SAMSN1: variants seen among roughly 807,000 people sequenced by gnomAD.
SAMSN1 encodes SAM domain, SH3 domain and nuclear localization signals 1, also known as SAM domain-containing protein SAMSN-1.
SAMSN1 carries 31 observed loss-of-function variants against 42.0 expected under a neutral mutation model. The ratio of observed to expected loss-of-function variants is 0.74; its 90% CI spans 0.55 to 1.00. The LOEUF (loss-of-function observed/expected upper bound fraction) is 1.00, where lower values mean the gene tolerates loss of function less well. SAMSN1 is among the 50% of genes least tolerant of loss of function. The pLI, the probability that SAMSN1 is intolerant of heterozygous loss-of-function variation, is 0.00. For missense variants in SAMSN1, 464 were observed against 439.4 expected (o/e 1.06, Z -0.50); for synonymous variants, 178 against 151.9 (o/e 1.17, Z -1.26).
At chr21:14,591,711 A>T (rs1982091054) in intron 7 of SAMSN1, among the ~76,000 whole-genome samples, 1 of 152,192 alleles carries the variant, frequency 6.6e-6, no homozygotes. Context: ...GAAGCTAAGC[A>T]GTATAATTTA....
chr21:14,613,109 A>C (rs1013003241), intron 3 of SAMSN1, among the ~76,000 whole-genome samples: 15 of 152,174 alleles, frequency 9.9e-5, no homozygotes, highest in Admixed American at 2.0e-4. Flanking sequence ...TGGGTCTGTA[A>C]ATTTCTATGC....
chr21:14,546,669 TAA>T (rs35353684), upstream of SAMSN1, among the ~76,000 whole-genome samples: 236 of 145,798 alleles, frequency 1.6e-3, no homozygotes, highest in South Asian at 3.7e-3. Flanking sequence ...TTCTATTATT[TAA>T]AAAAAAAAAA....
intron 1 of SAMSN1, among the ~76,000 whole-genome samples, chr21:14,524,572 A>G (rs550344226): frequency 6.6e-6 from 1 of 152,190 alleles, no homozygotes; most frequent in Non-Finnish European, 1.5e-5. Flanking sequence ...GCAAAATTAC[A>G]TATACATTTG....
intron 2 of SAMSN1, among the ~76,000 whole-genome samples, chr21:14,632,013 G>A (rs1983343177): frequency 6.6e-6 from 1 of 152,160 alleles, no homozygotes; most frequent in Non-Finnish European, 1.5e-5. Context: ...ACTAGAATAA[G>A]ATATGCTGTT....
chr21:14,485,840 C>A lies in SAMSN1; in HGVS notation c.*72G>T. ...ACAAATATTTATCTTATCTTCCTCT[C>A]CTATTTGACGTTTTAGCTCAAGAAG... On this transcript the variant is annotated 3_prime_UTR_variant, in exon 8 of 8. Transcript: ENST00000400566. 9.0e-7 allele frequency: 1 copy of A among 1,115,172 alleles called. No individual in the cohort carries two copies. 69.1% of individuals were successfully genotyped at this position (1,115,172 alleles called of 1,614,324 possible). A position where few individuals can be genotyped will look rare whatever the true frequency, so the allele number is the denominator to read the frequency against.
At chr21:14,582,259 G>A in exon 2 of SAMSN1, 1 of 1,550,878 alleles carries the variant, frequency 6.4e-7, no homozygotes, top group African/African-American at 1.4e-5. Context: ...TCCAGAGAGG[G>A]TTTTCAGGAA....
intron 2 of SAMSN1, among the ~76,000 whole-genome samples, chr21:14,630,029 T>C (rs543229747): frequency 1.3e-5 from 2 of 152,280 alleles, no homozygotes; most frequent in South Asian, 2.1e-4. Context: ...TTAATCTTCA[T>C]AGCCACAAAT....
intron 2 of SAMSN1, among the ~76,000 whole-genome samples, chr21:14,617,210 T>C (rs1339561686): frequency 6.6e-6 from 1 of 152,174 alleles, no homozygotes; most frequent in Non-Finnish European, 1.5e-5. Context: ...TAAGCCCTAA[T>C]GTGAGTGAGG....
At chr21:14,488,210 T>C (rs1415404034) in intron 7 of SAMSN1, among the ~76,000 whole-genome samples, 1 of 152,180 alleles carries the variant, frequency 6.6e-6, no homozygotes, top group Non-Finnish European at 1.5e-5. Context: ...ATTTGGAGTG[T>C]GAACCTCTTA....
chr21:14,516,221 C>G (rs889253866), intron 3 of SAMSN1, among the ~76,000 whole-genome samples: 3 of 152,090 alleles, frequency 2.0e-5, no homozygotes, highest in Non-Finnish European at 2.9e-5. Flanking sequence ...AAAGTGAAAG[C>G]AACCCAAGTA....
At chr21:14,627,062 G>C (rs1331417578) in intron 2 of SAMSN1, among the ~76,000 whole-genome samples, 1 of 152,092 alleles carries the variant, frequency 6.6e-6, no homozygotes, top group African/African-American at 2.4e-5. Context: ...TCACTCATAG[G>C]TGGGAATTGA....
At chr21:14,609,208 A>C (rs1405908091) in intron 5 of SAMSN1, among the ~76,000 whole-genome samples, 1 of 151,852 alleles carries the variant, frequency 6.6e-6, no homozygotes, top group African/African-American at 2.4e-5. Context: ...TTTTCTTTTC[A>C]ATTGCTTATT....
At chr21:14,604,276 T>C (rs1982510360) in intron 5 of SAMSN1, among the ~76,000 whole-genome samples, 1 of 152,226 alleles carries the variant, frequency 6.6e-6, no homozygotes, top group African/African-American at 2.4e-5. Context: ...CCATTCCGTG[T>C]GTTTTTTTGC....
At chr21:14,601,345 A>G (rs1982425367) in intron 6 of SAMSN1, among the ~76,000 whole-genome samples, 1 of 152,152 alleles carries the variant, frequency 6.6e-6, no homozygotes, top group South Asian at 2.1e-4. Context: ...GGATTTAGGA[A>G]TGTGAGCCCC....
chr21:14,582,119 G>C (rs761913611), intron 2 of SAMSN1: 1 of 1,525,476 alleles, frequency 6.6e-7, no homozygotes, highest in Non-Finnish European at 8.8e-7. Flanking sequence ...ACACATTTCC[G>C]TAGTCTGCAA....
At chr21:14,571,798 T>A (rs1331829584) in intron 2 of SAMSN1, among the ~76,000 whole-genome samples, 1 of 152,152 alleles carries the variant, frequency 6.6e-6, no homozygotes, top group African/African-American at 2.4e-5. Context: ...CTTCTTTTTG[T>A]CTGTTTTCCC....
At position 14,612,177 on chromosome 21, in the gene SAMSN1, G is replaced by A. The variant is rs1331097115; in HGVS notation, c.235+699C>T. 2.6e-5 allele frequency among the ~76,000 whole-genome samples: 4 copies of A among 152,182 alleles called. No individual in the cohort carries two copies. The East Asian group carries it at 7.7e-4, about 29-fold the overall frequency. ...GAACCCGGGAGGCAGAGGTGGCAGT[G>A]AGCCAAGATTGCACCATTGCATTTC... On this transcript the variant is annotated intron_variant, in intron 4 of 15. Transcript: ENST00000647101.
Position 14,499,446 on chromosome 21 carries a change from A to G in SAMSN1, c.769-854T>C, listed in dbSNP as rs371078376. On this transcript the variant is annotated intron_variant, in intron 6 of 7. Coordinates refer to ENST00000400566, the MANE Select transcript of SAMSN1 (RefSeq NM_022136.5). ...CTAAAATAGAATAAGAGGAAGTCTA[A>G]AAGTTTTAAGTAATCAGGGAGAACT... Among the ~76,000 whole-genome samples the G allele has an allele frequency of 7.3e-5, 11 of 151,586 alleles. No individual in the cohort carries two copies. The East Asian group carries it at 1.6e-3, about 21-fold the overall frequency.
chr21:14,520,200 TTC>T (rs779433443), intron 2 of SAMSN1, among the ~76,000 whole-genome samples: 2 of 152,196 alleles, frequency 1.3e-5, no homozygotes, highest in Non-Finnish European at 2.9e-5. Flanking sequence ...GGTTAAAATG[TTC>T]ATAGTGTACA....
Sources: allele counts gnomAD v4.1 joint callset (sites outside exome capture counted in the v4.1 genomes callset), GRCh38; gene constraint gnomAD v4.1.1; transcripts MANE v1.5; gene names NCBI Gene and HGNC (gene_info 2026-07-23, HGNC 2026-07-21).